WDPCP: variants seen among roughly 807,000 people sequenced by gnomAD.
WDPCP encodes WD repeat-containing and planar cell polarity effector protein fritz homolog.
A neutral mutation model predicts 93.1 loss-of-function variants in WDPCP; 71 were observed. The observed-to-expected ratio is 0.76, with a 90% confidence interval of 0.63 to 0.93. The LOEUF is 0.93. WDPCP is among the 40% of genes least tolerant of loss of function. The pLI is 0.00. For synonymous variants in WDPCP, 315 were observed against 315.0 expected (o/e 1.00, Z 0.00); for missense variants, 844 against 887.4 (o/e 0.95, Z 0.62).
intron 1 of WDPCP, among the ~76,000 whole-genome samples, chr2:63,528,082 G>A (rs1400653291): frequency 6.6e-6 from 1 of 151,862 alleles, no homozygotes; most frequent in Admixed American, 6.6e-5. Context: ...TTTTTTTCTT[G>A]TAAATTTGAG....
At chr2:63,124,640 T>C (rs915682209) in intron 17 of WDPCP, among the ~76,000 whole-genome samples, 2 of 152,230 alleles carry the variant, frequency 1.3e-5, no homozygotes, top group African/African-American at 4.8e-5. Context: ...TATGTTAGGT[T>C]TCCTCTGTGT....
chr2:63,538,537 C>T (rs1401342998), intron 1 of WDPCP, among the ~76,000 whole-genome samples: 1 of 152,084 alleles, frequency 6.6e-6, no homozygotes, highest in Non-Finnish European at 1.5e-5. Context: ...CAAGTTTGCC[C>T]AGCTATAAAG....
Position 63,588,229 on chromosome 2 carries a change from C to G in WDPCP, c.43G>C (p.Gly15Arg). The G allele has an allele frequency of 6.3e-7, 1 of 1,576,616 alleles. No homozygotes were observed. Among genetic ancestry groups the G allele is most frequent in the Non-Finnish European group, 8.6e-7 (1 of 1,158,670 alleles). ...GGGAGTGGGGAAGAAGCGCGACTCC[C>G]GGCCGCTTTGGAGTAGGCGTCCCAG... ...FCWDAYSKAA[G>R]SRASSPLPRQ... Residue 15 changes from glycine to arginine, a missense_variant, in exon 1 of 18, where the codon GGG becomes CGG. Transcript: ENST00000272321.
chr2:63,460,009 T>A (rs572685831), intron 6 of WDPCP, among the ~76,000 whole-genome samples: 1 of 152,288 alleles, frequency 6.6e-6, no homozygotes, highest in East Asian at 1.9e-4. Context: ...GAAATATATT[T>A]ATATCAAAAG....
At chr2:63,772,875 T>C (rs1354627834) in intron 2 of WDPCP, among the ~76,000 whole-genome samples, 1 of 152,084 alleles carries the variant, frequency 6.6e-6, no homozygotes, top group Non-Finnish European at 1.5e-5. Flanking sequence ...TTCCTCCTGA[T>C]ACTGGGATCA....
At chr2:63,493,926 A>C (rs1701048128) in intron 1 of WDPCP, among the ~76,000 whole-genome samples, 1 of 152,230 alleles carries the variant, frequency 6.6e-6, no homozygotes, top group African/African-American at 2.4e-5. Context: ...GACATATTTT[A>C]ATGGAGGAAA....
intron 2 of WDPCP, among the ~76,000 whole-genome samples, chr2:63,804,372 C>T (rs1346921786): frequency 6.6e-6 from 1 of 151,884 alleles, no homozygotes; most frequent in Non-Finnish European, 1.5e-5. Flanking sequence ...CTGCCTCAGC[C>T]TCCCGAGTAG....
intron 9 of WDPCP, among the ~76,000 whole-genome samples, chr2:63,417,637 A>G (rs1049955424): frequency 2.0e-5 from 3 of 151,146 alleles, no homozygotes; most frequent in African/African-American, 7.3e-5. Flanking sequence ...AAATCTGCAC[A>G]GGGAAATGTT....
intron 1 of WDPCP, among the ~76,000 whole-genome samples, chr2:63,547,746 GAA>G (rs398060231): frequency 2.6e-5 from 3 of 113,716 alleles, no homozygotes; most frequent in Non-Finnish European, 4.0e-5. Flanking sequence ...GGTAGAAAAA[GAA>G]AAAAAAAAAA....
intron 2 of WDPCP, among the ~76,000 whole-genome samples, chr2:63,658,378 TC>T (rs1164583837): frequency 1.3e-5 from 2 of 152,226 alleles, no homozygotes; most frequent in Non-Finnish European, 2.9e-5. Flanking sequence ...TGGGGATGTG[TC>T]AGCTGTTTGT....
rs543046358 is a variant in WDPCP, at chr2:63,726,334, A to C, written n.309-75496T>G. ...TTTTCCCGTTGCTTGTTTTTGTTGA[A>C]CTTGTTGAAGATTAGACAGTTGTAA... On this transcript the variant is annotated intron_variant and non_coding_transcript_variant, in intron 2 of 4. Coordinates refer to the WDPCP transcript ENST00000467687. Among the ~76,000 whole-genome samples, 37 of 151,862 alleles carry C rather than the reference A, an allele frequency of 2.4e-4. 1 individual carries two copies. Among genetic ancestry groups the C allele is most frequent in the African/African-American group, 8.0e-4 (33 of 41,430 alleles).
intron 9 of WDPCP, among the ~76,000 whole-genome samples, chr2:63,420,275 C>G (rs1353105855): frequency 1.3e-5 from 2 of 149,980 alleles, no homozygotes; most frequent in East Asian, 3.9e-4. Flanking sequence ...GTAATCCCAA[C>G]ACTTGGGGAG....
intron 3 of WDPCP, among the ~76,000 whole-genome samples, chr2:63,604,126 C>A (rs1709483247): frequency 6.6e-6 from 1 of 152,186 alleles, no homozygotes; most frequent in Non-Finnish European, 1.5e-5. Context: ...TATATAAAAC[C>A]TCTTTCCTTC....
chr2:63,673,109 ATG>A (rs1337793195), intron 2 of WDPCP, among the ~76,000 whole-genome samples: 2 of 152,184 alleles, frequency 1.3e-5, no homozygotes, highest in Non-Finnish European at 2.9e-5. Flanking sequence ...TAATATAAAT[ATG>A]TGTTAATTAG....
At chr2:63,577,953 G>A (rs1013435625) in intron 1 of WDPCP, among the ~76,000 whole-genome samples, 2 of 152,066 alleles carry the variant, frequency 1.3e-5, no homozygotes, top group South Asian at 2.1e-4. Flanking sequence ...AATCTTCAAA[G>A]GTAAATTATA....
intron 13 of WDPCP, among the ~76,000 whole-genome samples, chr2:63,259,779 T>C (rs987706879): frequency 6.6e-6 from 1 of 152,178 alleles, no homozygotes. Flanking sequence ...CTAAGCACGA[T>C]ACAAGGGATA....
rs543459348 is a variant in WDPCP, at chr2:63,662,546, T to C, written n.309-11708A>G. On this transcript the variant is annotated intron_variant and non_coding_transcript_variant, in intron 2 of 4. Transcript: ENST00000467687. ...AGAGCCTACCATGTTAAGCCCATGA[T>C]AAGAGCCAGGGTTGCAGCACAGGAG... is the stretch of plus-strand genomic sequence containing the variant. Among the ~76,000 whole-genome samples, 15 of 152,034 alleles carry C rather than the reference T, an allele frequency of 9.9e-5. No individual in the cohort carries two copies. In the South Asian group the frequency reaches 3.1e-3, roughly 32 times the overall value.
intron 2 of WDPCP, among the ~76,000 whole-genome samples, chr2:63,724,106 A>T (rs979653624): frequency 1.3e-5 from 2 of 152,244 alleles, no homozygotes; most frequent in South Asian, 2.1e-4. Flanking sequence ...AAACCAAAAC[A>T]TGCAGAATGC....
chr2:63,617,845 A>G (rs1431393299), intron 3 of WDPCP, among the ~76,000 whole-genome samples: 1 of 152,250 alleles, frequency 6.6e-6, no homozygotes, highest in East Asian at 1.9e-4. Flanking sequence ...TGCCAAAGCA[A>G]CATATTTTAG....
Sources: gnomAD v4.1 joint callset for allele counts (sites outside exome capture counted in the v4.1 genomes callset) on GRCh38, gnomAD v4.1.1 for gene constraint, MANE v1.5 for transcripts, NCBI Gene and HGNC (gene_info 2026-07-23, HGNC 2026-07-21) for gene names.